Variants in FBP2 observed in about 807,000 individuals in gnomAD.
FBP2 encodes fructose-bisphosphatase 2.
FBP2 carries 27 observed loss-of-function variants against 31.6 expected under a neutral mutation model. The ratio of observed to expected loss-of-function variants is 0.85; its 90% CI spans 0.63 to 1.18. The LOEUF (loss-of-function observed/expected upper bound fraction) is 1.18, where lower values mean the gene tolerates loss of function less well. FBP2 is among the 50% of genes most tolerant of loss of function. FBP2 has a pLI of 0.00. For missense variants in FBP2, 421 were observed against 436.1 expected (o/e 0.97, Z 0.31); for synonymous variants, 168 against 179.8 (o/e 0.93, Z 0.53).
At chr9:94,573,739 TAA>T (rs1245974465) in intron 3 of FBP2, among the ~76,000 whole-genome samples, 1 of 152,236 alleles carries the variant, frequency 6.6e-6, no homozygotes, top group Non-Finnish European at 1.5e-5. Context: ...AATATTTTGT[TAA>T]GAGTTTTTGC....
chr9:94,572,481 C>T (rs1022467298), intron 3 of FBP2, among the ~76,000 whole-genome samples: 12 of 152,284 alleles, frequency 7.9e-5, no homozygotes, highest in Admixed American at 1.3e-4. Flanking sequence ...ATGTTCTTGC[C>T]TCCATGTTCT....
At position 94,567,416 on chromosome 9, in the gene FBP2, A is replaced by G. The variant is rs1827206525; in HGVS notation, c.568-9T>C. On this transcript the variant is annotated splice_polypyrimidine_tract_variant and intron_variant, in intron 4 of 6. Transcript: ENST00000375337. The stretch of plus-strand genomic sequence containing the variant: ...ACAAATTCACCAAGAGCCTAGCAAC[A>G]TGAAGAGAGATGCCAGGAAGAAGAG... The G allele has an allele frequency of 1.9e-6, 3 of 1,612,982 alleles. No homozygotes were observed. The highest frequency in any genetic ancestry group is 2.2e-5 in the South Asian group (2 of 90,994).
intron 3 of FBP2, among the ~76,000 whole-genome samples, chr9:94,575,432 A>G (rs1337146115): frequency 2.0e-5 from 3 of 152,068 alleles, no homozygotes; most frequent in Non-Finnish European, 2.9e-5. Context: ...TTTCTTTGCA[A>G]TTTTACCTAT....
Position 94,593,812 on chromosome 9 carries a change from A to G in FBP2, c.-86T>C. On this transcript the variant is annotated 5_prime_UTR_variant, in exon 1 of 7. Transcript: ENST00000375337. ...CTGCAGCTCCGCAGTGTGGAAGCCG[A>G]TAAGAAATCTGTGCTGGCCCTGCCA... is the stretch of plus-strand genomic sequence containing the variant. 4 of 1,467,074 alleles carry G rather than the reference A, an allele frequency of 2.7e-6. No homozygotes were observed. Among genetic ancestry groups the G allele is most frequent in the Non-Finnish European group, 2.8e-6 (3 of 1,074,060 alleles). 90.9% of individuals were successfully genotyped at this position (1,467,074 alleles called of 1,614,324 possible).
chr9:94,590,538 A>G (rs7856539), intron 1 of FBP2, among the ~76,000 whole-genome samples: 8,383 of 152,176 alleles, frequency 0.055, 778 homozygotes, highest in African/African-American at 0.19. Flanking sequence ...GGTGAGTGTT[A>G]CAGCTCTTAA....
chr9:94,584,695 T>C (rs1278983454), intron 2 of FBP2, 26 bp from the exon 3 acceptor site: 1 of 1,411,648 alleles, frequency 7.1e-7, no homozygotes, highest in East Asian at 2.3e-5. Context: ...AAGCACCAAC[T>C]GATCAGCACA....
At chr9:94,571,373 T>C in intron 4 of FBP2, 89 bp downstream of exon 4, 1 of 1,316,640 alleles carries the variant, frequency 7.6e-7, no homozygotes. Flanking sequence ...GTATTAGGAA[T>C]AACCAGGACA....
At chr9:94,570,000 C>G (rs1033271741) in intron 4 of FBP2, 1 of 152,206 alleles carries the variant, frequency 6.6e-6, no homozygotes, top group Non-Finnish European at 1.5e-5. Flanking sequence ...GGTCTTTGCT[C>G]AAATGTCCTT....
At chr9:94,588,935 G>A (rs1473304553) in intron 1 of FBP2, among the ~76,000 whole-genome samples, 1 of 152,136 alleles carries the variant, frequency 6.6e-6, no homozygotes, top group Non-Finnish European at 1.5e-5. Context: ...CCCCACCTGG[G>A]ACACTCTTCC....
chr9:94,567,075 C>A (rs1827200078), intron 5 of FBP2, among the ~76,000 whole-genome samples, 195 bp downstream of exon 5: 1 of 152,120 alleles, frequency 6.6e-6, no homozygotes, highest in Non-Finnish European at 1.5e-5. Context: ...ATAAGTACTA[C>A]CTTTAGAAGG....
chr9:94,593,422 G>C (rs975273142), intron 1 of FBP2, 135 bp downstream of exon 1: 13 of 748,980 alleles, frequency 1.7e-5, no homozygotes, highest in Admixed American at 7.2e-5. Context: ...ATAGGAACTT[G>C]AAATGCAGCT....
Position 94,559,032 on chromosome 9 carries a change from T to G in FBP2, c.926A>C (p.Glu309Ala). Residue 309 changes from glutamate to alanine, a missense_variant, in exon 7 of 7, where the codon GAG (glutamate) becomes GCG (alanine). By Grantham distance (107) the Glu-to-Ala change is moderately radical. Coordinates refer to ENST00000375337, the MANE Select transcript of FBP2 (RefSeq NM_003837.4). ...GAGGGGGACTCGCTGGTGAATTGCC[T>G]CGGGCTTCACGTCCAGTACAGGCTG... ...GTQPVLDVKP[E>A]AIHQRVPLIL... is the part of the protein sequence containing the mutation. 6.2e-7 allele frequency: 1 copy of G among 1,614,064 alleles called. No homozygotes were observed. The highest frequency in any genetic ancestry group is 1.1e-5 in the South Asian group (1 of 91,072).
chr9:94,565,785 TA>T (rs1564180706), intron 5 of FBP2, among the ~76,000 whole-genome samples: 149 of 146,160 alleles, frequency 1.0e-3, no homozygotes, highest in African/African-American at 3.9e-3. Flanking sequence ...GATAGATAGA[TA>T]GATGATAGAT....
At chr9:94,588,314 G>C (rs954805477) in intron 1 of FBP2, among the ~76,000 whole-genome samples, 2 of 152,132 alleles carry the variant, frequency 1.3e-5, no homozygotes, top group Non-Finnish European at 2.9e-5. Context: ...CAGTATAAGA[G>C]AGTGCTACTA....
chr9:94,579,050 CAAA>C (rs55778806), intron 3 of FBP2, among the ~76,000 whole-genome samples: 3,332 of 30,530 alleles, frequency 0.11, 165 homozygotes, highest in South Asian at 0.23. Context: ...GAGACTCTGT[CAAA>C]AAAAAAAAAA....
chr9:94,592,426 T>C (rs1468485029), intron 1 of FBP2, among the ~76,000 whole-genome samples: 1 of 152,206 alleles, frequency 6.6e-6, no homozygotes, highest in East Asian at 1.9e-4. Context: ...CTTTGTTAGC[T>C]CCTCATTTTG....
intron 3 of FBP2, among the ~76,000 whole-genome samples, chr9:94,575,098 G>A (rs1052336186): frequency 6.6e-6 from 1 of 151,936 alleles, no homozygotes; most frequent in African/African-American, 2.4e-5. Flanking sequence ...TTTTTGTTGA[G>A]GTATAAAGCA....
intron 3 of FBP2, among the ~76,000 whole-genome samples, chr9:94,582,338 ATGTGTGTGTGTGCGTGTG>A: frequency 7.6e-6 from 1 of 132,024 alleles, no homozygotes; most frequent in African/African-American, 2.9e-5. Context: ...TCTGTTAAAT[ATGTGTGTGTGTGCGTGTG>A]TGTGTGTGTG....
chr9:94,566,941 G>T (rs1040430353), intron 5 of FBP2, among the ~76,000 whole-genome samples: 5 of 132,084 alleles, frequency 3.8e-5, no homozygotes, highest in Non-Finnish European at 6.4e-5. Context: ...GCAACTGAGT[G>T]AGTCTATAGG....
Sources: gnomAD v4.1 joint callset for allele counts (sites outside exome capture counted in the v4.1 genomes callset) on GRCh38, gnomAD v4.1.1 for gene constraint, MANE v1.5 for transcripts, NCBI Gene and HGNC (gene_info 2026-07-23, HGNC 2026-07-21) for gene names.